GAREM1: variants seen among roughly 807,000 people sequenced by gnomAD.
GAREM1 encodes GRB2-associated and regulator of MAPK protein 1.
Under a neutral mutation model 71.3 loss-of-function variants are expected in GAREM1, and 26 were observed. That is an observed-to-expected ratio of 0.36 (90% CI 0.27 to 0.51). The LOEUF (loss-of-function observed/expected upper bound fraction) is 0.51, where lower values mean the gene tolerates loss of function less well. Ranked by LOEUF, GAREM1 falls within the 20% of genes least tolerant of loss-of-function variation. The pLI, the probability that GAREM1 is intolerant of heterozygous loss-of-function variation, is 0.95. For synonymous variants in GAREM1, 440 were observed against 433.2 expected, an observed-to-expected ratio of 1.02 and a Z score of -0.20; for missense variants, 1,026 against 1,103.1, an observed-to-expected ratio of 0.93 and a Z score of 0.99.
At chr18:32,386,712 T>C (rs1221854751) in intron 2 of GAREM1, among the ~76,000 whole-genome samples, 1 of 152,216 alleles carries the variant, frequency 6.6e-6, no homozygotes, top group African/African-American at 2.4e-5. Context: ...ACTTCGCAAA[T>C]TGGCAGACCA....
In GAREM1 at chr18:32,462,813, T is replaced by C. The variant is rs1222389570; in HGVS notation, c.121+7495A>G. Among the ~76,000 whole-genome samples the C allele has an allele frequency of 3.3e-5, 5 of 152,168 alleles. No individual in the cohort carries two copies. The East Asian group carries it at 9.6e-4, about 29-fold the overall frequency. The stretch of plus-strand genomic sequence containing the variant: ...TATATGGCATTAGATAGGAGTTCAG[T>C]AATAGATGATAGATAGGGGTCCAGC... On this transcript the variant is annotated intron_variant, in intron 1 of 5. Coordinates refer to ENST00000269209, the MANE Select transcript of GAREM1 (RefSeq NM_001242409.2).
intron 2 of GAREM1, 81 bp from the exon 3 acceptor site, chr18:32,310,404 T>C (rs1381584796): frequency 2.8e-6 from 4 of 1,424,270 alleles, no homozygotes; most frequent in South Asian, 1.3e-5. Context: ...CCTCTCTCTT[T>C]ACCCCAGCCC....
rs201550947 is a variant in GAREM1, at chr18:32,287,211, C to G, written c.1386G>C (p.Lys462Asn). 2.0e-5 allele frequency: 33 copies of G among 1,614,238 alleles called. No homozygotes were observed. The East Asian group carries it at 7.1e-4, about 35-fold the overall frequency. The change falls in exon 4 of 6, where the codon AAG (lysine) becomes AAC (asparagine). Residue 462 changes from lysine to asparagine, a missense_variant. Lys to Asn is a moderately conservative substitution (Grantham distance 94, BLOSUM62 0). Coordinates refer to ENST00000269209, the MANE Select transcript of GAREM1 (RefSeq NM_001242409.2). The surrounding 1 kb of genome is among the most constrained non-coding windows in gnomAD (Gnocchi z 5.9). ...AGCGAGTGAGAGGCTGATGGCTGGG[C>G]TTGCCTTCCTCCAGCCACAGCTCTT... Reference protein sequence around the residue: ...PYEELWLEEGKPSHQPLTRSL... With the variant: ...PYEELWLEEGNPSHQPLTRSL...
chr18:32,325,016 G>C (rs1375201143), intron 2 of GAREM1, among the ~76,000 whole-genome samples: 3 of 152,156 alleles, frequency 2.0e-5, no homozygotes, highest in Non-Finnish European at 4.4e-5. Context: ...GCAGTGGTGC[G>C]ATCTTGGCTC....
intron 2 of GAREM1, among the ~76,000 whole-genome samples, chr18:32,323,215 G>C (rs2047446281): frequency 1.3e-5 from 2 of 152,216 alleles, no homozygotes; most frequent in South Asian, 4.1e-4. Context: ...TTCTTAAAGA[G>C]AGTCGGGCAT....
chr18:32,335,266 G>T (rs184288426), intron 2 of GAREM1, among the ~76,000 whole-genome samples: 397 of 152,244 alleles, frequency 2.6e-3, no homozygotes, highest in Non-Finnish European at 3.5e-3. Flanking sequence ...GAATGCTAAC[G>T]CTGGAACAGA....
At chr18:32,453,058 T>C (rs915714769) in intron 1 of GAREM1, among the ~76,000 whole-genome samples, 1 of 151,982 alleles carries the variant, frequency 6.6e-6, no homozygotes, top group African/African-American at 2.4e-5. Flanking sequence ...AAAAAGAGGT[T>C]TAATAGACTC....
chr18:32,421,515 A>C (rs1443642392), intron 1 of GAREM1, among the ~76,000 whole-genome samples: 1 of 152,100 alleles, frequency 6.6e-6, no homozygotes, highest in Non-Finnish European at 1.5e-5. Context: ...ATGGCTCTTC[A>C]CTACTCTAAG....
intron 2 of GAREM1, among the ~76,000 whole-genome samples, chr18:32,382,175 C>T (rs927806329): frequency 2.6e-5 from 4 of 152,076 alleles, no homozygotes; most frequent in Non-Finnish European, 5.9e-5. Flanking sequence ...GTGTTAGATG[C>T]TGTATGAGAT....
rs1412375973 is a variant in GAREM1 at position 32,264,683 on chromosome 18, G to C, written c.*3188C>G. 6.6e-6 allele frequency: 1 copy of C among 152,226 alleles called. No homozygotes were observed. Among genetic ancestry groups the C allele is most frequent in the Admixed American group, 6.5e-5 (1 of 15,288 alleles). 9.4% of individuals were successfully genotyped at this position (152,226 alleles called of 1,614,324 possible). On this transcript the variant is annotated 3_prime_UTR_variant, in exon 6 of 6. Transcript: ENST00000269209. The stretch of plus-strand genomic sequence containing the variant: ...ATATATGTGGGTTGAAAGAATGTAA[G>C]TAAATTTCACAGTTCATAAAGTTGA...
intron 2 of GAREM1, among the ~76,000 whole-genome samples, chr18:32,366,664 A>ATCATTATATC (rs2047931200): frequency 6.6e-6 from 1 of 152,240 alleles, no homozygotes; most frequent in Non-Finnish European, 1.5e-5. Context: ...ATCACATCAT[A>ATCATTATATC]ATATATCAAC....
chr18:32,431,813 T>C (rs919835701), intron 1 of GAREM1, among the ~76,000 whole-genome samples: 2 of 152,028 alleles, frequency 1.3e-5, no homozygotes, highest in African/African-American at 4.8e-5. Context: ...GAAAGCAACC[T>C]GATTAAAACA....
intron 2 of GAREM1, among the ~76,000 whole-genome samples, chr18:32,390,028 G>A (rs142166795): frequency 5.4e-4 from 82 of 152,240 alleles, no homozygotes; most frequent in Non-Finnish European, 8.2e-4. Flanking sequence ...TTGGCCGGGC[G>A]TAGTGCCAGG....
At chr18:32,300,249 C>A (rs1472485815) in intron 3 of GAREM1, among the ~76,000 whole-genome samples, 1 of 152,136 alleles carries the variant, frequency 6.6e-6, no homozygotes, top group East Asian at 1.9e-4. Context: ...TGAAAAATCA[C>A]AGGAAAAGAT....
At chr18:32,324,359 T>G (rs1476381261) in intron 2 of GAREM1, among the ~76,000 whole-genome samples, 1 of 152,236 alleles carries the variant, frequency 6.6e-6, no homozygotes, top group African/African-American at 2.4e-5. Context: ...CTTGGCTTAT[T>G]TGCTCCCTTT....
intron 2 of GAREM1, among the ~76,000 whole-genome samples, chr18:32,311,918 G>A (rs1358842604): frequency 6.6e-6 from 1 of 152,218 alleles, no homozygotes; most frequent in Non-Finnish European, 1.5e-5. Flanking sequence ...AGGCACAGAG[G>A]CAAGTGACAC....
chr18:32,454,943 AAAGAC>A (rs1568017904), intron 1 of GAREM1, among the ~76,000 whole-genome samples: 1 of 152,210 alleles, frequency 6.6e-6, no homozygotes, highest in Admixed American at 6.5e-5. Context: ...TGAACAGTGC[AAAGAC>A]AAGACAGGAT....
intron 2 of GAREM1, among the ~76,000 whole-genome samples, chr18:32,318,618 C>G (rs769544099): frequency 9.2e-5 from 14 of 152,188 alleles, no homozygotes; most frequent in Admixed American, 7.2e-4. Flanking sequence ...GATGCAGCTC[C>G]GCATGATGTG....
intron 1 of GAREM1, among the ~76,000 whole-genome samples, chr18:32,406,724 AG>A (rs2048370500): frequency 6.6e-6 from 1 of 152,194 alleles, no homozygotes; most frequent in Non-Finnish European, 1.5e-5. Context: ...ACTGAAGTAC[AG>A]GTAATAATTG....
Sources: gnomAD v4.1 joint callset for allele counts (sites outside exome capture counted in the v4.1 genomes callset) on GRCh38, gnomAD v4.1.1 for gene constraint, Gnocchi (gnomAD v3.1) non-coding constraint, MANE v1.5 for transcripts, NCBI Gene and HGNC (gene_info 2026-07-23, HGNC 2026-07-21) for gene names.